The following BRAT1 variants were observed in gnomAD, a reference collection of about 807,000 sequenced individuals.
BRAT1 encodes BRCA1 associated ATM activator 1.
A neutral mutation model predicts 70.6 loss-of-function variants in BRAT1; 74 were observed. The observed-to-expected ratio is 1.05, with a 90% CI of 0.87 to 1.27. The LOEUF (loss-of-function observed/expected upper bound fraction) is 1.27, where lower values mean the gene tolerates loss of function less well. Among genes scored for constraint, BRAT1 ranks in the 50% most tolerant of loss-of-function variants. The pLI, the probability that BRAT1 is intolerant of heterozygous loss-of-function variation, is 0.00. For synonymous variants in BRAT1, 615 were observed against 517.1 expected, an observed-to-expected ratio of 1.19 and a Z score of -2.57; for missense variants, 1,203 against 1,098.2, an observed-to-expected ratio of 1.10 and a Z score of -1.35.
intron 6 of BRAT1, chr7:2,542,599 A>G (rs3735106): frequency 0.41 from 105,461 of 254,744 alleles, 24,072 homozygotes; most frequent in African/African-American, 0.67. Flanking sequence ...TGTCCCCACA[A>G]TGCATTCCTG....
chr7:2,538,942 C>T, intron 13 of BRAT1, 178 bp from the exon 14 acceptor site: 3 of 1,451,252 alleles, frequency 2.1e-6, no homozygotes, highest in Non-Finnish European at 2.7e-6. Flanking sequence ...TCAGTTTACC[C>T]ATCTGTCAAA....
At chr7:2,538,960 A>G in intron 13 of BRAT1, 196 bp from the exon 14 acceptor site, 12 of 1,445,890 alleles carry the variant, frequency 8.3e-6, no homozygotes, top group Non-Finnish European at 1.0e-5. Flanking sequence ...AAATGGAGGT[A>G]ACCATGTCTA....
intron 2 of BRAT1, 92 bp downstream of exon 2, chr7:2,554,213 G>A (rs766246399): frequency 1.4e-4 from 216 of 1,527,412 alleles, no homozygotes; most frequent in Admixed American, 3.7e-5. Flanking sequence ...CTTCCTCCAG[G>A]ACAGGGGAGT....
At chr7:2,554,503 C>G (rs1313718782) in intron 1 of BRAT1, 56 bp from the exon 2 acceptor site, 6 of 1,531,756 alleles carry the variant, frequency 3.9e-6, no homozygotes, top group South Asian at 2.4e-5. Flanking sequence ...CCAGCTCGCT[C>G]TAGTCACAGC....
chr7:2,544,961 G>C lies in BRAT1; in HGVS notation c.378C>G (p.Gly126=). ...VPTVRSGWIQ[G]LRSLAQHPSA... ...TGGGGTGCTGTGCCAGGGAGCGCAG[G>C]CCCTGGATCCAGCCGCTGCGCACGG... Residue 126 remains glycine (G), a synonymous_variant, in exon 4 of 14, where the codon GGC becomes GGG. Transcript: ENST00000340611. 1 of 1,562,552 alleles carries C rather than the reference G, an allele frequency of 6.4e-7. No individual in the cohort carries two copies. Among genetic ancestry groups the C allele is most frequent in the East Asian group, 2.4e-5 (1 of 42,528 alleles).
intron 10 of BRAT1, 49 bp from the exon 11 acceptor site, chr7:2,539,937 GCTGTCTGTCTGTCCCCCTCGCCTTCAC>G: frequency 7.5e-7 from 1 of 1,329,468 alleles, no homozygotes; most frequent in Non-Finnish European, 1.0e-6. Flanking sequence ...GGAGGGGCAG[GCTGTCTGTCTGTCCCCCTCGCCTTCAC>G]CTGTGCTGCC....
chr7:2,554,973 C>T (rs1354669845), intron 1 of BRAT1, among the ~76,000 whole-genome samples: 1 of 150,106 alleles, frequency 6.7e-6, no homozygotes, highest in Non-Finnish European at 1.5e-5. Flanking sequence ...GTCTGTCCCT[C>T]TCAGGGTCAG....
intron 1 of BRAT1, among the ~76,000 whole-genome samples, chr7:2,555,256 G>C (rs1780337790): frequency 6.6e-6 from 1 of 152,140 alleles, no homozygotes; most frequent in Non-Finnish European, 1.5e-5. Flanking sequence ...CTGCGTCCCG[G>C]GAAGAGGAAC....
chr7:2,542,031 G>A, intron 7 of BRAT1, 89 bp downstream of exon 7: 1 of 1,301,688 alleles, frequency 7.7e-7, no homozygotes, highest in South Asian at 1.5e-5. Context: ...GTGGGGCGGG[G>A]GTGGCGAGCC....
chr7:2,540,777 G>GTGC (rs1269288835), intron 10 of BRAT1: 3 of 496,072 alleles, frequency 6.0e-6, no homozygotes, highest in African/African-American at 2.0e-5. Context: ...ACACCCCTGC[G>GTGC]TGCTGATGTA....
At position 2,539,353 on chromosome 7, in the gene BRAT1, T is replaced by C; in HGVS notation, c.1598-2A>G. Reference sequence around the variant, plus strand: ...GTGCGCATCTGAAGTCAGCCTGTCCTGGGGGTCGAAACGGCCACATGCAGC... The same window carrying C: ...GTGCGCATCTGAAGTCAGCCTGTCCCGGGGGTCGAAACGGCCACATGCAGC... On this transcript the variant is annotated splice_acceptor_variant, in intron 12 of 13. Coordinates refer to ENST00000340611, the MANE Select transcript of BRAT1 (RefSeq NM_152743.4). LOFTEE classifies it high-confidence loss of function. 6.2e-7 allele frequency: 1 copy of C among 1,601,422 alleles called. No homozygotes were observed. The highest frequency in any genetic ancestry group is 8.5e-7 in the Non-Finnish European group (1 of 1,171,854).
At chr7:2,551,236 G>T (rs1779979833) in intron 2 of BRAT1, among the ~76,000 whole-genome samples, 1 of 140,694 alleles carries the variant, frequency 7.1e-6, no homozygotes, top group South Asian at 2.3e-4. Flanking sequence ...GCAAGACTTG[G>T]TCTCAAAAAA....
At chr7:2,547,293 G>C (rs374043717) in intron 3 of BRAT1, 31 bp downstream of exon 3, 100 of 1,610,866 alleles carry the variant, frequency 6.2e-5, no homozygotes, top group Middle Eastern at 3.3e-4. Context: ...ACCTCTCCAC[G>C]GGACACTCAG....
chr7:2,542,865 G>T, intron 6 of BRAT1: 1 of 189,086 alleles, frequency 5.3e-6, no homozygotes, highest in Non-Finnish European at 1.1e-5. Context: ...GTGCTGGGGA[G>T]CTCCGAAACC....
Position 2,543,272 on chromosome 7 carries a change from C to A in BRAT1, c.855G>T (p.Arg285=). Residue 285 remains arginine, a synonymous_variant, in exon 6 of 14, where the codon CGG becomes CGT. Coordinates refer to ENST00000340611, the MANE Select transcript of BRAT1 (RefSeq NM_152743.4). This position sits in a 1 kb window ranked among gnomAD's most constrained non-coding sequence, Gnocchi z 5.5. The stretch of plus-strand genomic sequence containing the variant: ...GGGTGGGACCCAGGCAGCTCAGAGC[C>A]CGCGCCACTGTCTCCCACAGGCTGC... ...SDGSLWETVA[R]ALSCLGPTHM... 1 of 1,611,560 alleles carries A rather than the reference C, an allele frequency of 6.2e-7. No homozygotes were observed. Among genetic ancestry groups the A allele is most frequent in the Non-Finnish European group, 8.5e-7 (1 of 1,179,070 alleles).
chr7:2,541,693 T>C (rs1224999801), intron 8 of BRAT1, 25 bp downstream of exon 8: 12 of 1,591,594 alleles, frequency 7.5e-6, no homozygotes, highest in Non-Finnish European at 1.0e-5. Context: ...GCTGCTGGGC[T>C]GCATGAGGAC....
chr7:2,553,804 G>A (rs1184728194), intron 2 of BRAT1, among the ~76,000 whole-genome samples: 2 of 151,306 alleles, frequency 1.3e-5, no homozygotes, highest in African/African-American at 4.9e-5. Flanking sequence ...ACCAGGCACA[G>A]CTAATTTTTG....
At chr7:2,542,464 G>A (rs1346346059) in intron 6 of BRAT1, 3 of 548,944 alleles carry the variant, frequency 5.5e-6, no homozygotes, top group Non-Finnish European at 9.8e-6. Context: ...AGGAGGGCCT[G>A]GCCATGCACC....
At chr7:2,554,166 G>A (rs1780239247) in intron 2 of BRAT1, 139 bp downstream of exon 2, 2 of 1,184,792 alleles carry the variant, frequency 1.7e-6, no homozygotes, top group Admixed American at 2.4e-5. Flanking sequence ...TAATCCTTAG[G>A]AAGTGAAGGA....
Sources: allele counts gnomAD v4.1 joint callset (sites outside exome capture counted in the v4.1 genomes callset), GRCh38; gene constraint gnomAD v4.1.1; non-coding constraint Gnocchi (gnomAD v3.1); transcripts MANE v1.5; gene names NCBI Gene and HGNC (gene_info 2026-07-23, HGNC 2026-07-21).